Variants in SIPA1 observed in about 807,000 individuals in gnomAD.
SIPA1 encodes signal-induced proliferation-associated 1.
A neutral mutation model predicts 88.1 loss-of-function variants in SIPA1; 51 were observed. The observed-to-expected ratio is 0.58, with a 90% CI of 0.46 to 0.73. The LOEUF (loss-of-function observed/expected upper bound fraction) is 0.73, where lower values mean the gene tolerates loss of function less well. Among genes scored for constraint, SIPA1 ranks in the 30% least tolerant of loss-of-function variants. The pLI is 0.00. For synonymous variants in SIPA1, 681 were observed against 664.8 expected (o/e 1.02, Z -0.37); for missense variants, 1,348 against 1,467.6 (o/e 0.92, Z 1.33).
Position 65,642,243 on chromosome 11 carries a change from C to G in SIPA1, c.680-7C>G, listed in dbSNP as rs758266247. 5.2e-6 allele frequency: 8 copies of G among 1,550,764 alleles called. No homozygotes were observed. Among genetic ancestry groups the G allele is most frequent in the Non-Finnish European group, 7.0e-6 (8 of 1,148,378 alleles). ...GACCAATCGTTTTCTTCGGCGCGGT[C>G]CCCCAGAACATCAGAACTTCTTCGG... On this transcript the variant is annotated splice_region_variant and splice_polypyrimidine_tract_variant and intron_variant, in intron 2 of 15. Coordinates refer to ENST00000534313, the MANE Select transcript of SIPA1 (RefSeq NM_006747.4). This position sits in a 1 kb window ranked among gnomAD's most constrained non-coding sequence, Gnocchi z 6.5.
chr11:65,645,719 T>A (rs888283725), intron 5 of SIPA1, 135 bp from the exon 6 acceptor site: 2 of 591,330 alleles, frequency 3.4e-6, no homozygotes, highest in African/African-American at 3.7e-5. Flanking sequence ...GGCTGGGCAT[T>A]GGCTGGTGGC....
chr11:65,647,369 C>A lies in SIPA1; in HGVS notation c.2032-15C>A. 1 of 1,411,004 alleles carries A rather than the reference C, an allele frequency of 7.1e-7. No individual in the cohort carries two copies. Among genetic ancestry groups the A allele is most frequent in the Non-Finnish European group, 9.2e-7 (1 of 1,092,512 alleles). The allele number at this position is 1,411,004 out of a possible 1,614,324, so 87.4% of individuals were successfully genotyped here. On this transcript the variant is annotated splice_polypyrimidine_tract_variant and intron_variant, in intron 8 of 15. Transcript: ENST00000534313. ...CTCCCGGCAGCCCCGCCCACTCGTC[C>A]CGCCCCGTCCGCAGCTGGTGAGCCG...
At chr11:65,639,588 A>G (rs1475641311) in intron 1 of SIPA1, among the ~76,000 whole-genome samples, 1 of 148,164 alleles carries the variant, frequency 6.7e-6, no homozygotes, top group African/African-American at 2.5e-5. Context: ...GCCCCGCATG[A>G]TGTTGCTGGA....
At chr11:65,649,167 C>G in intron 9 of SIPA1, 95 bp from the exon 10 acceptor site, 1 of 888,730 alleles carries the variant, frequency 1.1e-6, no homozygotes, top group Non-Finnish European at 1.7e-6. Flanking sequence ...AGCTCTCCTG[C>G]TCCTGGAAGT....
chr11:65,641,053 G>C lies in SIPA1; in HGVS notation c.132G>C (p.Arg44Ser), dbSNP rs762510084. The C allele has an allele frequency of 4.4e-6, 7 of 1,596,546 alleles. No homozygotes were observed. The highest frequency in any genetic ancestry group is 6.0e-6 in the Non-Finnish European group (7 of 1,175,710). Reference protein sequence around the residue: ...PPLTPHTFEPRPVRGPLLRSG... With the variant: ...PPLTPHTFEPSPVRGPLLRSG... ...TGACACCGCACACCTTCGAGCCGAG[G>C]CCAGTCCGGGGCCCACTCCTGCGCA... is the stretch of plus-strand genomic sequence containing the variant. The change falls in exon 2 of 16, where the codon AGG becomes AGC. Residue 44 changes from arginine (R) to serine (S), a missense_variant. Transcript: ENST00000534313.
Position 65,645,206 on chromosome 11 carries a change from G to C in SIPA1, c.1159+77G>C. The C allele has an allele frequency of 2.1e-6, 3 of 1,418,784 alleles. No homozygotes were observed. The South Asian group carries it at 3.8e-5, about 18-fold the overall frequency. 87.9% of individuals were successfully genotyped at this position (1,418,784 alleles called of 1,614,324 possible). A position where few individuals can be genotyped will look rare whatever the true frequency, so the allele number is the denominator to read the frequency against. On this transcript the variant is annotated intron_variant, in intron 5 of 15. Coordinates refer to ENST00000534313, the MANE Select transcript of SIPA1 (RefSeq NM_006747.4). ...GCACAAATTGCCTTGTCACTCCTTTGTCCGTACAATCCTGGGGCTGGGGAC... is the reference window on the plus strand; with the variant it reads ...GCACAAATTGCCTTGTCACTCCTTTCTCCGTACAATCCTGGGGCTGGGGAC...
In SIPA1 at chr11:65,641,142, G is replaced by A. The variant is rs1005780361; in HGVS notation, c.221G>A (p.Ser74Asn). 4.7e-5 allele frequency: 76 copies of A among 1,604,606 alleles called. No individual in the cohort carries two copies. The highest frequency in any genetic ancestry group is 6.4e-5 in the Non-Finnish European group (76 of 1,179,662). The change falls in exon 2 of 16, where the codon AGC (serine) becomes AAC (asparagine). Residue 74 changes from serine to asparagine, a missense_variant. Transcript: ENST00000534313. ...TPASPRARAH[S>N]HEEASRPAAT... ...GCCAGCCCCCGTGCCCGTGCCCACA[G>A]CCACGAAGAGGCCAGCCGACCTGCA... is the stretch of plus-strand genomic sequence containing the variant.
At position 65,647,432 on chromosome 11, in the gene SIPA1, G is replaced by A. The variant is rs1465996278; in HGVS notation, c.2080G>A (p.Gly694Ser). Residue 694 changes from glycine to serine, a missense_variant, in exon 9 of 16, where the codon GGT becomes AGT. This residue lies in a region of SIPA1 where 615 missense variants were observed against 559.8 expected (regional missense o/e 1.10). Coordinates refer to ENST00000534313, the MANE Select transcript of SIPA1 (RefSeq NM_006747.4). ...CCGCGAGCTGGCGCTGCCCCGCGAC[G>A]GTCAAGGCCGCCTGGGCTTCGAGGT... ...ETRELALPRD[G>S]QGRLGFEVDA... 6.8e-7 allele frequency: 1 copy of A among 1,479,438 alleles called. No individual in the cohort carries two copies. Among genetic ancestry groups the A allele is most frequent in the Non-Finnish European group, 8.9e-7 (1 of 1,122,886 alleles). The allele number at this position is 1,479,438 out of a possible 1,614,324, so 91.6% of individuals were successfully genotyped here. A position where few individuals can be genotyped will look rare whatever the true frequency, so the allele number is the denominator to read the frequency against.
Position 65,647,077 on chromosome 11 carries a change from TG to T in SIPA1, c.2031+14del. 1 of 1,513,880 alleles carries T rather than the reference TG, an allele frequency of 6.6e-7. No homozygotes were observed. Among genetic ancestry groups the T allele is most frequent in the Non-Finnish European group, 8.8e-7 (1 of 1,136,560 alleles). The allele number at this position is 1,513,880 out of a possible 1,614,324, so 93.8% of individuals were successfully genotyped here. On this transcript the variant is annotated intron_variant, in intron 8 of 15. Transcript: ENST00000534313. Reference sequence around the variant, plus strand: ...TGGCGCGCCTGCAGGTGAGCTGGAGTGGTAAACTGGGGCCCCTGCGCGCGGC... The same window carrying T: ...TGGCGCGCCTGCAGGTGAGCTGGAGTGTAAACTGGGGCCCCTGCGCGCGGC...
intron 11 of SIPA1, 22 bp downstream of exon 11, chr11:65,649,694 G>C (rs964250587): frequency 1.2e-6 from 2 of 1,614,032 alleles, no homozygotes; most frequent in Non-Finnish European, 1.7e-6. Flanking sequence ...CCAGGCTCTG[G>C]AGCCCAACAG....
In SIPA1 at chr11:65,647,056, G is replaced by A. The variant is rs1355011465; in HGVS notation, c.2022G>A (p.Ala674=). The change falls in exon 8 of 16, where the codon GCG becomes GCA. Residue 674 remains alanine (A), a synonymous_variant. Transcript: ENST00000534313. Reference sequence around the variant, plus strand: ...GCCAAGCCGTGGGCGAGGTGGTGGCGCGCCTGCAGGTGAGCTGGAGTGGTA... The same window carrying A: ...GCCAAGCCGTGGGCGAGGTGGTGGCACGCCTGCAGGTGAGCTGGAGTGGTA... ...SPGQAVGEVV[A]RLQLVSRGCE... 6.5e-7 allele frequency: 1 copy of A among 1,539,898 alleles called. No individual in the cohort carries two copies. The highest frequency in any genetic ancestry group is 1.2e-5 in the South Asian group (1 of 83,856).
chr11:65,643,291 C>T (rs924799982), intron 4 of SIPA1, among the ~76,000 whole-genome samples: 2 of 152,176 alleles, frequency 1.3e-5, no homozygotes, highest in Non-Finnish European at 2.9e-5. Flanking sequence ...CTGCAGTTCC[C>T]GCATCATTCC....
intron 9 of SIPA1, among the ~76,000 whole-genome samples, chr11:65,648,935 TAC>T (rs1856194190): frequency 6.6e-6 from 1 of 152,210 alleles, no homozygotes; most frequent in African/African-American, 2.4e-5. Flanking sequence ...TGGATTTGGC[TAC>T]AGACAGTAGT....
intron 14 of SIPA1, 90 bp from the exon 15 acceptor site, chr11:65,650,311 C>T (rs753424902): frequency 2.1e-5 from 32 of 1,545,078 alleles, no homozygotes; most frequent in Middle Eastern, 1.7e-4. Flanking sequence ...AGAAGACCAG[C>T]GGGGCCCCTC....
intron 4 of SIPA1, among the ~76,000 whole-genome samples, chr11:65,644,560 A>G (rs1856070106): frequency 6.7e-6 from 1 of 150,028 alleles, no homozygotes; most frequent in Non-Finnish European, 1.5e-5. Context: ...CAGAGGGAAG[A>G]GCCGGGAAGA....
chr11:65,641,506 C>T lies in SIPA1; in HGVS notation c.585C>T (p.Ser195=). Residue 195 remains serine (S), a synonymous_variant, in exon 2 of 16, where the codon TCC becomes TCT. Transcript: ENST00000534313. The part of the protein sequence containing the change: ...VPPALPNAAV[S]ILEEPQNRTS... ...CTGCACTGCCCAACGCGGCCGTGTC[C>T]ATCCTGGAGGAGCCACAGAACCGAA... is the stretch of plus-strand genomic sequence containing the variant. 1 of 1,612,320 alleles carries T rather than the reference C, an allele frequency of 6.2e-7. No individual in the cohort carries two copies. The highest frequency in any genetic ancestry group is 8.5e-7 in the Non-Finnish European group (1 of 1,179,992).
rs1856078616 is a variant in SIPA1 at position 65,644,991 on chromosome 11, C to T, written c.1021C>T (p.Arg341Trp). Residue 341 changes from arginine to tryptophan, a missense_variant, in exon 5 of 16, where the codon CGG (arginine) becomes TGG (tryptophan). Transcript: ENST00000534313. Reference sequence around the variant, plus strand: ...ACGCAAGGTGGGCATCCTGTACTGCCGGGCGGGCCAGGGCTCGGAGGAGGA... The same window carrying T: ...ACGCAAGGTGGGCATCCTGTACTGCTGGGCGGGCCAGGGCTCGGAGGAGGA... ...FQRKVGILYC[R>W]AGQGSEEEMY... 4 of 1,613,770 alleles carry T rather than the reference C, an allele frequency of 2.5e-6. No homozygotes were observed. The highest frequency in any genetic ancestry group is 3.4e-6 in the Non-Finnish European group (4 of 1,179,852).
In SIPA1 at chr11:65,649,621, C is replaced by T. The variant is rs1856216260; in HGVS notation, c.2586C>T (p.Thr862=). The change falls in exon 11 of 16, where the codon ACC becomes ACT. Residue 862 remains threonine, a synonymous_variant. Transcript: ENST00000534313. ...CCACCCCGGACCTCCTCCTGGCCAC[C>T]ACAGCCAAGCCATCAGTACCCAGTG... ...PNTTPDLLLA[T]TAKPSVPSAD... 4.3e-6 allele frequency: 7 copies of T among 1,614,130 alleles called. No individual in the cohort carries two copies. Among genetic ancestry groups the T allele is most frequent in the Non-Finnish European group, 5.9e-6 (7 of 1,180,028 alleles).
intron 4 of SIPA1, among the ~76,000 whole-genome samples, chr11:65,643,887 T>A (rs1272023583): frequency 6.6e-6 from 1 of 152,060 alleles, no homozygotes; most frequent in Non-Finnish European, 1.5e-5. Flanking sequence ...ACGGTGCAGA[T>A]CTGAGAGGGG....
Sources: gnomAD v4.1 joint callset for allele counts (sites outside exome capture counted in the v4.1 genomes callset) on GRCh38, gnomAD v4.1.1 for gene constraint, gnomAD v4.1.1 regional missense constraint, Gnocchi (gnomAD v3.1) non-coding constraint, MANE v1.5 for transcripts, NCBI Gene and HGNC (gene_info 2026-07-23, HGNC 2026-07-21) for gene names.